Variants in CFAP77 observed in about 807,000 individuals in gnomAD.
CFAP77 encodes cilia- and flagella-associated protein 77.
A neutral mutation model predicts 31.1 loss-of-function variants in CFAP77; 25 were observed. The observed-to-expected ratio is 0.80, with a 90% CI of 0.59 to 1.12. The LOEUF is 1.12. CFAP77 is among the 50% of genes most tolerant of loss of function. CFAP77 has a pLI of 0.00. For missense variants in CFAP77, 377 were observed against 397.3 expected (o/e 0.95, Z 0.44); for synonymous variants, 151 against 159.9 (o/e 0.94, Z 0.42).
intron 1 of CFAP77, among the ~76,000 whole-genome samples, chr9:132,436,761 A>T (rs1218979694): frequency 6.6e-6 from 1 of 152,192 alleles, no homozygotes; most frequent in Non-Finnish European, 1.5e-5. Flanking sequence ...TTCAAGTGAG[A>T]TTCCTGATGG....
Position 132,525,083 on chromosome 9 carries a change from A to G in CFAP77, c.525-12518A>G, listed in dbSNP as rs1852335127. Among the ~76,000 whole-genome samples the G allele has an allele frequency of 3.6e-5, 5 of 140,050 alleles. No individual in the cohort carries two copies. The South Asian group carries it at 1.2e-3, about 34-fold the overall frequency. The allele number at this position is 140,050 out of a possible 152,430, so 91.9% of individuals were successfully genotyped here. A position where few individuals can be genotyped will look rare whatever the true frequency, so the allele number is the denominator to read the frequency against. On this transcript the variant is annotated intron_variant, in intron 3 of 5. Coordinates refer to ENST00000393216, the MANE Select transcript of CFAP77 (RefSeq NM_001282957.2). ...CGCCCAGGTTGGAGTGCAATGGCAC[A>G]ATCTCAGCTCACTGCAACCTCCGCT... is the stretch of plus-strand genomic sequence containing the variant.
intron 3 of CFAP77, among the ~76,000 whole-genome samples, chr9:132,502,073 G>A (rs1477009023): frequency 6.6e-6 from 1 of 152,174 alleles, no homozygotes; most frequent in Non-Finnish European, 1.5e-5. Flanking sequence ...CGGACTTCTT[G>A]CAATCCGAAG....
chr9:132,423,157 GT>G (rs1850252464), intron 1 of CFAP77, among the ~76,000 whole-genome samples: 1 of 152,212 alleles, frequency 6.6e-6, no homozygotes, highest in Non-Finnish European at 1.5e-5. Context: ...AAATTCGGAG[GT>G]TTAAGCAAGT....
intron 3 of CFAP77, among the ~76,000 whole-genome samples, chr9:132,530,636 T>G (rs911905332): frequency 1.3e-4 from 20 of 152,124 alleles, no homozygotes; most frequent in Non-Finnish European, 2.8e-4. Flanking sequence ...GTTTTACTGT[T>G]GAGTTTTGAG....
Position 132,490,961 on chromosome 9 carries a change from A to G in CFAP77, c.196-7734A>G, listed in dbSNP as rs1851643280. On this transcript the variant is annotated intron_variant, in intron 1 of 5. Coordinates refer to ENST00000393216, the MANE Select transcript of CFAP77 (RefSeq NM_001282957.2). This position sits in a 1 kb window ranked among gnomAD's most constrained non-coding sequence, Gnocchi z 4.6. ...TCCACATCCCAGAGATGTGCACATTAGGTGAACTGGTGTGTCTAATGGTCC... is the reference window on the plus strand; with the variant it reads ...TCCACATCCCAGAGATGTGCACATTGGGTGAACTGGTGTGTCTAATGGTCC... 6.6e-6 allele frequency among the ~76,000 whole-genome samples: 1 copy of G among 151,974 alleles called. No homozygotes were observed. Among genetic ancestry groups the G allele is most frequent in the Non-Finnish European group, 1.5e-5 (1 of 67,994 alleles).
In CFAP77 at chr9:132,539,305, A is replaced by C. The variant is rs1317349758; in HGVS notation, c.630+1599A>C. On this transcript the variant is annotated intron_variant, in intron 4 of 5. Coordinates refer to ENST00000393216, the MANE Select transcript of CFAP77 (RefSeq NM_001282957.2). The surrounding 1 kb of genome is among the most constrained non-coding windows in gnomAD (Gnocchi z 4.3). ...AGTTGTCATGACAATCACAACCAGC[A>C]CCCTCCCCAAGCCTCTGAGCTGAGG... is the stretch of plus-strand genomic sequence containing the variant. Among the ~76,000 whole-genome samples, 3 of 151,908 alleles carry C rather than the reference A, an allele frequency of 2.0e-5. No homozygotes were observed. The highest frequency in any genetic ancestry group is 4.4e-5 in the Non-Finnish European group (3 of 67,970).
rs775583389 is a variant in CFAP77 at position 132,410,259 on chromosome 9, G to A, written c.-13G>A. ...AAACCAGCCCGCGGGCCGGCTCCCC[G>A]GCGACCTCAAGGATGCCAGAGGCCA... On this transcript the variant is annotated 5_prime_UTR_variant, in exon 1 of 6. Coordinates refer to ENST00000393216, the MANE Select transcript of CFAP77 (RefSeq NM_001282957.2). The A allele has an allele frequency of 1.1e-5, 16 of 1,507,264 alleles. No individual in the cohort carries two copies. In the Middle Eastern group the frequency reaches 8.2e-4, roughly 78 times the overall value. 93.4% of individuals were successfully genotyped at this position (1,507,264 alleles called of 1,614,324 possible). A position where few individuals can be genotyped will look rare whatever the true frequency, so the allele number is the denominator to read the frequency against.
Position 132,410,358 on chromosome 9 carries a change from C to A in CFAP77, c.87C>A (p.Cys29Ter), listed in dbSNP as rs1380956749. The A allele has an allele frequency of 1.3e-6, 2 of 1,597,778 alleles. No individual in the cohort carries two copies. Among genetic ancestry groups the A allele is most frequent in the Non-Finnish European group, 1.7e-6 (2 of 1,173,644 alleles). ...TGCGCCGCACGGTCAGCCAGGTCTG[C>A]CCGCCCCCGCGGCGGCCCCTGACCG... The part of the protein sequence containing the change: ...QPVRRTVSQV[C>*]PPPRRPLTVA... Residue 29 changes from cysteine to a stop codon, truncating the protein, a stop_gained, in exon 1 of 6, where the codon TGC becomes TGA. Transcript: ENST00000393216. LOFTEE classifies it high-confidence loss of function.
intron 1 of CFAP77, among the ~76,000 whole-genome samples, chr9:132,485,011 G>C (rs1039429701): frequency 1.2e-4 from 18 of 152,178 alleles, no homozygotes; most frequent in African/African-American, 4.3e-4. Context: ...AGCAAGCCCA[G>C]CTAATTTTTT....
intron 3 of CFAP77, among the ~76,000 whole-genome samples, chr9:132,515,841 G>A (rs1852137113): frequency 6.6e-6 from 1 of 151,076 alleles, no homozygotes; most frequent in African/African-American, 2.4e-5. Flanking sequence ...TTCTCCGTCG[G>A]TCAGTGGGAT....
Position 132,498,303 on chromosome 9 carries a change from G to C in CFAP77, c.196-392G>C, listed in dbSNP as rs114110451. Among the ~76,000 whole-genome samples the C allele has an allele frequency of 6.6e-6, 1 of 152,066 alleles. No individual in the cohort carries two copies. Among genetic ancestry groups the C allele is most frequent in the African/African-American group, 2.4e-5 (1 of 41,380 alleles). On this transcript the variant is annotated intron_variant, in intron 1 of 5. Transcript: ENST00000393216. The surrounding 1 kb of genome is among the most constrained non-coding windows in gnomAD (Gnocchi z 4.2). ...GGTAGGAAAGATGTCTCCTTCCTTC[G>C]ACGGGGCCTCCAGATGAGGCCTCCT... is the stretch of plus-strand genomic sequence containing the variant.
intron 3 of CFAP77, among the ~76,000 whole-genome samples, chr9:132,509,760 C>A (rs1852000292): frequency 6.6e-6 from 1 of 152,116 alleles, no homozygotes; most frequent in African/African-American, 2.4e-5. Flanking sequence ...CAGAGCAAAA[C>A]TTTGTCTCAA....
At chr9:132,452,858 G>A (rs1005990761) in intron 1 of CFAP77, among the ~76,000 whole-genome samples, 2 of 152,176 alleles carry the variant, frequency 1.3e-5, no homozygotes, top group African/African-American at 4.8e-5. Context: ...CAGGAGGGAG[G>A]ACCAGATGAC....
chr9:132,494,057 A>T (rs1851697947), intron 1 of CFAP77, among the ~76,000 whole-genome samples: 1 of 152,122 alleles, frequency 6.6e-6, no homozygotes, highest in Non-Finnish European at 1.5e-5. Flanking sequence ...AACCACAGGC[A>T]CACGCCACCA....
intron 3 of CFAP77, among the ~76,000 whole-genome samples, chr9:132,521,374 AG>A (rs1161536367): frequency 6.6e-6 from 1 of 152,190 alleles, no homozygotes; most frequent in Non-Finnish European, 1.5e-5. Flanking sequence ...TCCTCAGGAA[AG>A]GAGTTTCCAA....
At chr9:132,493,633 T>C (rs992098771) in intron 1 of CFAP77, among the ~76,000 whole-genome samples, 3 of 152,130 alleles carry the variant, frequency 2.0e-5, no homozygotes, top group African/African-American at 4.8e-5. Flanking sequence ...AAGCCCCCGG[T>C]GCTATCTTCG....
intron 3 of CFAP77, among the ~76,000 whole-genome samples, chr9:132,502,364 A>T (rs1851864596): frequency 1.3e-5 from 2 of 151,868 alleles, no homozygotes; most frequent in South Asian, 4.2e-4. Flanking sequence ...TTATCATCTG[A>T]ACCATTTTTA....
chr9:132,555,991 C>G (rs777647944), intron 5 of CFAP77, among the ~76,000 whole-genome samples: 1 of 152,038 alleles, frequency 6.6e-6, no homozygotes, highest in East Asian at 1.9e-4. Flanking sequence ...TCAGGTTCCG[C>G]GCACAGATAG....
chr9:132,518,846 A>G (rs1417887349), intron 3 of CFAP77, among the ~76,000 whole-genome samples: 1 of 152,146 alleles, frequency 6.6e-6, no homozygotes, highest in Non-Finnish European at 1.5e-5. Flanking sequence ...GGCTGTCTAC[A>G]CTGGCATTGG....
Sources: allele counts gnomAD v4.1 joint callset (sites outside exome capture counted in the v4.1 genomes callset), GRCh38; gene constraint gnomAD v4.1.1; non-coding constraint Gnocchi (gnomAD v3.1); transcripts MANE v1.5; gene names NCBI Gene and HGNC (gene_info 2026-07-23, HGNC 2026-07-21).